Variants in PAPOLA observed in about 807,000 individuals in gnomAD.
PAPOLA encodes the protein poly(A) polymerase alpha, also known as polynucleotide adenylyltransferase alpha.
Under a neutral mutation model 100.6 loss-of-function variants are expected in PAPOLA, and 15 were observed. The ratio of observed to expected loss-of-function variants is 0.15; its 90% confidence interval spans 0.10 to 0.23. PAPOLA has a LOEUF of 0.23. Ranked by LOEUF, PAPOLA falls within the 10% of genes least tolerant of loss-of-function variation. PAPOLA has a pLI of 1.00. For missense variants in PAPOLA, 533 were observed against 884.2 expected, an observed-to-expected ratio of 0.60 and a Z score of 5.04; for synonymous variants, 293 against 300.0, an observed-to-expected ratio of 0.98 and a Z score of 0.24.
At chr14:96,511,829 G>A (rs1004710518) in intron 1 of PAPOLA, among the ~76,000 whole-genome samples, 2 of 152,194 alleles carry the variant, frequency 1.3e-5, no homozygotes, top group Non-Finnish European at 2.9e-5. Context: ...TAATAACTTG[G>A]CCGCCCTAGC....
At chr14:96,505,480 T>G (rs543245998) in intron 1 of PAPOLA, among the ~76,000 whole-genome samples, 2 of 152,120 alleles carry the variant, frequency 1.3e-5, no homozygotes, top group Non-Finnish European at 2.9e-5. Context: ...TGAAGGAGAG[T>G]AACCAGTATC....
At chr14:96,525,047 C>T (rs1898348039) in intron 3 of PAPOLA, among the ~76,000 whole-genome samples, 2 of 152,140 alleles carry the variant, frequency 1.3e-5, no homozygotes, top group Non-Finnish European at 2.9e-5. Context: ...CAATCACAGT[C>T]TTCTTTATAG....
chr14:96,536,855 C>CCA (rs1450072350), intron 11 of PAPOLA, 121 bp from the exon 12 acceptor site: 8 of 623,956 alleles, frequency 1.3e-5, no homozygotes, highest in Non-Finnish European at 2.3e-5. Flanking sequence ...TAAGCTAAAA[C>CCA]TATATATGTT....
At chr14:96,508,500 G>T (rs1240630640) in intron 1 of PAPOLA, among the ~76,000 whole-genome samples, 2 of 152,202 alleles carry the variant, frequency 1.3e-5, no homozygotes, top group Non-Finnish European at 2.9e-5. Context: ...AGCCTACTCA[G>T]TTCCTATCCC....
In PAPOLA at chr14:96,522,112, C is replaced by CTTTTTTTTT. The variant is rs1350167869; in HGVS notation, c.249+1043_249+1044insTTTTTTTTT. ...GCCACTGCATCTAGCCTCTTTCTTT[C>CTTTTTTTTT]TTTCTTTTTTTTTTTTTTTTTTTTT... On this transcript the variant is annotated intron_variant, in intron 3 of 21. Transcript: ENST00000216277. Among the ~76,000 whole-genome samples the CTTTTTTTTT allele has an allele frequency of 1.1e-3, 107 of 98,656 alleles. 4 individuals carry two copies. Among genetic ancestry groups the CTTTTTTTTT allele is most frequent in the South Asian group, 1.6e-3 (4 of 2,516 alleles). 64.7% of individuals were successfully genotyped at this position (98,656 alleles called of 152,430 possible).
At chr14:96,555,242 T>G (rs1249940717) in intron 17 of PAPOLA, among the ~76,000 whole-genome samples, 3 of 149,822 alleles carry the variant, frequency 2.0e-5, no homozygotes, top group East Asian at 1.9e-4. Flanking sequence ...ATATAGGTTT[T>G]TTTTTTTTTT....
chr14:96,507,361 C>G (rs1236413209), intron 1 of PAPOLA, among the ~76,000 whole-genome samples: 1 of 139,128 alleles, frequency 7.2e-6, no homozygotes, highest in Non-Finnish European at 1.5e-5. Flanking sequence ...GATCTCCGCT[C>G]ACTGCAAGCT....
intron 12 of PAPOLA, 103 bp from the exon 13 acceptor site, chr14:96,542,140 T>C: frequency 1.6e-6 from 1 of 615,756 alleles, no homozygotes. Context: ...CTTGCTAAAT[T>C]GATGTGGATC....
chr14:96,521,125 C>A, intron 3 of PAPOLA, 53 bp downstream of exon 3: 1 of 830,102 alleles, frequency 1.2e-6, no homozygotes, highest in Non-Finnish European at 2.1e-6. Flanking sequence ...CAACTGAACA[C>A]AGCAAGTGTC....
At chr14:96,527,587 T>C (rs1898600713) in intron 5 of PAPOLA, 48 bp downstream of exon 5, 1 of 1,004,484 alleles carries the variant, frequency 1.0e-6, no homozygotes, top group Non-Finnish European at 1.6e-6. Flanking sequence ...AACATTCATT[T>C]AGTCAGTTGA....
In PAPOLA at chr14:96,531,904, T is replaced by C. The variant is rs936617872; in HGVS notation, c.607+318T>C. 9 of 1,343,684 alleles carry C rather than the reference T, an allele frequency of 6.7e-6. No individual in the cohort carries two copies. The African/African-American group carries it at 1.2e-4, about 18-fold the overall frequency. The allele number at this position is 1,343,684 out of a possible 1,614,324, so 83.2% of individuals were successfully genotyped here. ...AATTAATTTTGATCCTGTTATTCTT[T>C]AGTAATGCTTTCAGCATTGCTGAGA... is the stretch of plus-strand genomic sequence containing the variant. On this transcript the variant is annotated intron_variant, in intron 7 of 21. Transcript: ENST00000216277.
intron 3 of PAPOLA, among the ~76,000 whole-genome samples, chr14:96,523,586 G>C (rs553644742): frequency 6.6e-6 from 1 of 152,196 alleles, no homozygotes; most frequent in Admixed American, 6.5e-5. Context: ...AACCAGGTCA[G>C]CGTTGCCATT....
rs760829471 is a variant in PAPOLA, at chr14:96,536,005, T to C, written c.1030+6T>C. The C allele has an allele frequency of 1.9e-6, 3 of 1,590,442 alleles. No homozygotes were observed. Among genetic ancestry groups the C allele is most frequent in the Admixed American group, 3.5e-5 (2 of 57,142 alleles). On this transcript the variant is annotated splice_donor_region_variant and intron_variant, in intron 11 of 21. Coordinates refer to ENST00000216277, the MANE Select transcript of PAPOLA (RefSeq NM_032632.5). Reference sequence around the variant, plus strand: ...GGTTGAGGAGTTTAAACAAGGTAAGTGTTTATCCTTATGCTCTGATTTATA... The same window carrying C: ...GGTTGAGGAGTTTAAACAAGGTAAGCGTTTATCCTTATGCTCTGATTTATA...
intron 19 of PAPOLA, among the ~76,000 whole-genome samples, chr14:96,559,889 A>T (rs1901697832): frequency 6.6e-6 from 1 of 152,044 alleles, no homozygotes; most frequent in Non-Finnish European, 1.5e-5. Context: ...TGTCACACAA[A>T]TATTAATAAT....
At chr14:96,508,041 A>G (rs1440210408) in intron 1 of PAPOLA, among the ~76,000 whole-genome samples, 1 of 151,966 alleles carries the variant, frequency 6.6e-6, no homozygotes, top group East Asian at 1.9e-4. Flanking sequence ...ACGTCCAGCT[A>G]ATTTTTGTAT....
chr14:96,560,466 C>T, intron 19 of PAPOLA, 183 bp from the exon 20 acceptor site: 1 of 499,532 alleles, frequency 2.0e-6, no homozygotes, highest in Non-Finnish European at 3.5e-6. Context: ...TTATTAGCTA[C>T]TGAAGCCAAA....
At chr14:96,507,280 G>GTTGTTTTTTTTTTTTTTTTT in intron 1 of PAPOLA, among the ~76,000 whole-genome samples, 1 of 80,704 alleles carries the variant, frequency 1.2e-5, no homozygotes, top group African/African-American at 5.7e-5. Context: ...TTGGAAAATA[G>GTTGTTTTTTTTTTTTTTTTT]TTTTTTTTTT....
intron 1 of PAPOLA, among the ~76,000 whole-genome samples, chr14:96,505,533 CA>C (rs1406829745): frequency 1.3e-5 from 2 of 151,866 alleles, no homozygotes; most frequent in African/African-American, 4.8e-5. Context: ...TCAAAGTTAC[CA>C]AAAAGAGTTA....
At chr14:96,518,997 C>T (rs1251210905) in intron 1 of PAPOLA, among the ~76,000 whole-genome samples, 1 of 152,056 alleles carries the variant, frequency 6.6e-6, no homozygotes, top group Non-Finnish European at 1.5e-5. Flanking sequence ...GTAGAGGTTG[C>T]AGTGAGCTGA....
Sources: gnomAD v4.1 joint callset for allele counts (sites outside exome capture counted in the v4.1 genomes callset) on GRCh38, gnomAD v4.1.1 for gene constraint, MANE v1.5 for transcripts, NCBI Gene and HGNC (gene_info 2026-07-23, HGNC 2026-07-21) for gene names.